TREX1: variants seen among roughly 807,000 people sequenced by gnomAD.
The protein encoded by TREX1 is three-prime repair exonuclease 1.
Under a neutral mutation model 13.7 loss-of-function variants are expected in TREX1, and 11 were observed. The ratio of observed to expected loss-of-function variants is 0.80; its 90% confidence interval spans 0.51 to 1.33. The LOEUF (loss-of-function observed/expected upper bound fraction) is 1.33. TREX1 is among the 40% of genes most tolerant of loss of function. The pLI, the probability that TREX1 is intolerant of heterozygous loss-of-function variation, is 0.00. For synonymous variants in TREX1, 178 were observed against 178.8 expected, an observed-to-expected ratio of 1.00 and a Z score of 0.03; for missense variants, 409 against 404.4, an observed-to-expected ratio of 1.01 and a Z score of -0.10.
upstream of TREX1, chr3:48,465,903 C>T (rs2040273816): frequency 9.9e-6 from 3 of 303,664 alleles, no homozygotes; most frequent in Non-Finnish European, 1.9e-5. Context: ...TGGCCCAGGC[C>T]TAAACCAGGA....
chr3:48,466,205 T>C, upstream of TREX1: 1 of 555,876 alleles, frequency 1.8e-6, no homozygotes, highest in Admixed American at 3.0e-5. Flanking sequence ...CACGTGGGCC[T>C]GTAGGCGGGC....
upstream of TREX1, chr3:48,465,852 A>G (rs2040272000): frequency 2.8e-6 from 1 of 353,996 alleles, no homozygotes; most frequent in South Asian, 2.7e-5. Context: ...GGCTGGGGCC[A>G]TGGGAAGAAA....
intron 1 of TREX1, 60 bp from the exon 2 acceptor site, chr3:48,466,570 T>A (rs2107253505): frequency 1.9e-6 from 3 of 1,592,834 alleles, no homozygotes; most frequent in Non-Finnish European, 2.6e-6. Context: ...CCTACCCCAC[T>A]CCCTCCCCTT....
rs1302856977 is a variant in TREX1, at chr3:48,467,421, AC to A, written c.767del (p.Thr256LysfsTer21). On this transcript the variant is annotated frameshift_variant, in exon 2 of 2. Transcript: ENST00000625293. LOFTEE classifies it high-confidence loss of function. ...TGTCACAACCACTGCACACCTGGCCACAACCAGGAACACTAGTCCCAGCCTT... is the reference window on the plus strand; with the variant it reads ...TGTCACAACCACTGCACACCTGGCCAAACCAGGAACACTAGTCCCAGCCTT... ...SAVTTTAHLA[T>X]TRNTSPSLGE... The A allele has an allele frequency of 3.7e-6, 6 of 1,614,094 alleles. No homozygotes were observed. Among genetic ancestry groups the A allele is most frequent in the Non-Finnish European group, 5.1e-6 (6 of 1,180,038 alleles).
Position 48,466,647 on chromosome 3 carries a change from T to G in TREX1, c.-9T>G. ...CTCTCCAGGCTCAGCAGCAGGTACG[T>G]ACCCAACCATGGGCTCGCAGGCCCT... On this transcript the variant is annotated 5_prime_UTR_variant, in exon 2 of 2. Coordinates refer to ENST00000625293, the MANE Select transcript of TREX1 (RefSeq NM_033629.6). The G allele has an allele frequency of 6.2e-7, 1 of 1,613,794 alleles. No individual in the cohort carries two copies. Among genetic ancestry groups the G allele is most frequent in the Non-Finnish European group, 8.5e-7 (1 of 1,179,916 alleles).
chr3:48,466,882 C>T lies in TREX1; in HGVS notation c.227C>T (p.Ala76Val). 1.2e-6 allele frequency: 2 copies of T among 1,612,648 alleles called. No homozygotes were observed. The highest frequency in any genetic ancestry group is 1.7e-6 in the Non-Finnish European group (2 of 1,180,012). ...TCCCTGTGTGTGGCTCCGGGGAAGG[C>T]CTGCAGCCCTGCAGCCAGCGAGATC... The part of the protein sequence containing the change: ...KLSLCVAPGK[A>V]CSPAASEITG... The change falls in exon 2 of 2, where the codon GCC (alanine) becomes GTC (valine). Residue 76 changes from alanine to valine, a missense_variant. Transcript: ENST00000625293.
Position 48,467,617 on chromosome 3 carries a change from T to C in TREX1, c.*17T>C. 2.5e-6 allele frequency: 4 copies of C among 1,606,864 alleles called. No homozygotes were observed. Among genetic ancestry groups the C allele is most frequent in the Non-Finnish European group, 3.4e-6 (4 of 1,176,156 alleles). On this transcript the variant is annotated 3_prime_UTR_variant, in exon 2 of 2. Transcript: ENST00000625293. ...GGGGAGTAGGCCAAGAAGGAAAATCTGACGAATAAAGACCCCCGCTGCCCC... is the reference window on the plus strand; with the variant it reads ...GGGGAGTAGGCCAAGAAGGAAAATCCGACGAATAAAGACCCCCGCTGCCCC...
chr3:48,466,257 C>T lies in TREX1; in HGVS notation c.-79C>T, dbSNP rs2040288309. 6 of 615,412 alleles carry T rather than the reference C, an allele frequency of 9.7e-6. No homozygotes were observed. The highest frequency in any genetic ancestry group is 1.7e-5 in the Non-Finnish European group (6 of 346,058). The allele number at this position is 615,412 out of a possible 1,614,324, so 38.1% of individuals were successfully genotyped here. On this transcript the variant is annotated 5_prime_UTR_variant, in exon 1 of 2. Coordinates refer to ENST00000625293, the MANE Select transcript of TREX1 (RefSeq NM_033629.6). ...TTCCCGCCACTGCTGCCAGCGAGAG[C>T]CGCGGGAGAGTGTGCAGCCGAGTCA...
rs1475152913 is a variant in TREX1 at position 48,466,863 on chromosome 3, T to C, written c.208T>C (p.Cys70Arg). ...PPRVVDKLSLCVAPGKACSPA... is the reference protein window; with the variant it reads ...PPRVVDKLSLRVAPGKACSPA... ...GCGTGTGGTAGACAAGCTCTCCCTG[T>C]GTGTGGCTCCGGGGAAGGCCTGCAG... The change falls in exon 2 of 2, where the codon TGT (cysteine) becomes CGT (arginine). Residue 70 changes from cysteine (C) to arginine (R), a missense_variant. Cys to Arg is a radical substitution (Grantham distance 180, BLOSUM62 -3). Transcript: ENST00000625293. 1.4e-5 allele frequency: 22 copies of C among 1,613,592 alleles called. No individual in the cohort carries two copies. The highest frequency in any genetic ancestry group is 1.8e-5 in the Non-Finnish European group (21 of 1,180,032).
upstream of TREX1, chr3:48,466,029 T>TGTCA (rs1196208678): frequency 1.3e-5 from 4 of 317,460 alleles, no homozygotes; most frequent in Non-Finnish European, 2.5e-5. Context: ...TCCAGCTGCC[T>TGTCA]GTCACTGGTA....
Position 48,466,853 on chromosome 3 carries a change from G to A in TREX1, c.198G>A (p.Lys66=), listed in dbSNP as rs3135943. ...TVPPPPRVVD[K]LSLCVAPGKA... ...CTCCACCACCGCGTGTGGTAGACAA[G>A]CTCTCCCTGTGTGTGGCTCCGGGGA... The change falls in exon 2 of 2, where the codon AAG becomes AAA. Residue 66 remains lysine, a synonymous_variant. Coordinates refer to ENST00000625293, the MANE Select transcript of TREX1 (RefSeq NM_033629.6). The A allele has an allele frequency of 8.2e-4, 1,328 of 1,613,888 alleles. 9 individuals are homozygous for A. In the African/African-American group the frequency reaches 0.016, roughly 19 times the overall value.
chr3:48,466,618 G>C lies in TREX1; in HGVS notation c.-26-12G>C. ...CTGGGCACTCACACACCCACCCCAT[G>C]CTCCTCTCCAGGCTCAGCAGCAGGT... On this transcript the variant is annotated splice_polypyrimidine_tract_variant and intron_variant, in intron 1 of 1. Transcript: ENST00000625293. The C allele has an allele frequency of 6.2e-7, 1 of 1,613,556 alleles. No homozygotes were observed. Among genetic ancestry groups the C allele is most frequent in the South Asian group, 1.1e-5 (1 of 91,064 alleles).
Position 48,467,333 on chromosome 3 carries a change from C to G in TREX1, c.678C>G (p.Phe226Leu), listed in dbSNP as rs139228069. Residue 226 changes from phenylalanine to leucine, a missense_variant, in exon 2 of 2, where the codon TTC becomes TTG. Coordinates refer to ENST00000625293, the MANE Select transcript of TREX1 (RefSeq NM_033629.6). ...LRWVDAHARPFGTIRPMYGVT... is the reference protein window; with the variant it reads ...LRWVDAHARPLGTIRPMYGVT... Reference sequence around the variant, plus strand: ...GGGTGGATGCTCACGCCAGGCCTTTCGGCACCATCAGGCCCATGTATGGGG... The same window carrying G: ...GGGTGGATGCTCACGCCAGGCCTTTGGGCACCATCAGGCCCATGTATGGGG... 14 of 1,614,162 alleles carry G rather than the reference C, an allele frequency of 8.7e-6. No individual in the cohort carries two copies. In the African/African-American group the frequency reaches 1.7e-4, roughly 20 times the overall value.
chr3:48,465,896 C>A, upstream of TREX1: 1 of 312,328 alleles, frequency 3.2e-6, no homozygotes, highest in South Asian at 3.0e-5. Context: ...TGGCTCTTGG[C>A]CCAGGCCTAA....
chr3:48,467,623 A>G lies in TREX1; in HGVS notation c.*23A>G. On this transcript the variant is annotated 3_prime_UTR_variant, in exon 2 of 2. Transcript: ENST00000625293. Reference sequence around the variant, plus strand: ...TAGGCCAAGAAGGAAAATCTGACGAATAAAGACCCCCGCTGCCCCATAGCA... The same window carrying G: ...TAGGCCAAGAAGGAAAATCTGACGAGTAAAGACCCCCGCTGCCCCATAGCA... 1 of 1,604,916 alleles carries G rather than the reference A, an allele frequency of 6.2e-7. No individual in the cohort carries two copies. The highest frequency in any genetic ancestry group is 8.5e-7 in the Non-Finnish European group (1 of 1,175,222).
rs1297546144 is a variant in TREX1, at chr3:48,467,310, G to A, written c.655G>A (p.Val219Met). The A allele has an allele frequency of 1.2e-6, 2 of 1,614,040 alleles. No individual in the cohort carries two copies. The highest frequency in any genetic ancestry group is 1.1e-5 in the South Asian group (1 of 91,094). ...QWRPQALLRW[V>M]DAHARPFGTI... ...GAGACCACAGGCCCTGCTGCGGTGG[G>A]TGGATGCTCACGCCAGGCCTTTCGG... The change falls in exon 2 of 2, where the codon GTG becomes ATG. Residue 219 changes from valine to methionine, a missense_variant. By Grantham distance (21) the Val-to-Met change is conservative. Coordinates refer to ENST00000625293, the MANE Select transcript of TREX1 (RefSeq NM_033629.6).
At chr3:48,466,471 C>T in intron 1 of TREX1, 159 bp from the exon 2 acceptor site, 4 of 1,613,912 alleles carry the variant, frequency 2.5e-6, no homozygotes, top group Non-Finnish European at 3.4e-6. Flanking sequence ...ACCTCACCCT[C>T]TCCAACTTCC....
Position 48,466,268 on chromosome 3 carries a change from T to A in TREX1, c.-68T>A, listed in dbSNP as rs3135941. On this transcript the variant is annotated 5_prime_UTR_variant, in exon 1 of 2. Transcript: ENST00000625293. ...GCTGCCAGCGAGAGCCGCGGGAGAGTGTGCAGCCGAGTCACTACTGCCTGC... is the reference window on the plus strand; with the variant it reads ...GCTGCCAGCGAGAGCCGCGGGAGAGAGTGCAGCCGAGTCACTACTGCCTGC... The A allele has an allele frequency of 6.5e-6, 4 of 618,960 alleles. No homozygotes were observed. Among genetic ancestry groups the A allele is most frequent in the Non-Finnish European group, 8.6e-6 (3 of 347,354 alleles). 38.3% of individuals were successfully genotyped at this position (618,960 alleles called of 1,614,324 possible). A position where few individuals can be genotyped will look rare whatever the true frequency, so the allele number is the denominator to read the frequency against.
chr3:48,466,309 G>C lies in TREX1; in HGVS notation c.-27G>C, dbSNP rs1026759103. On this transcript the variant is annotated splice_region_variant and 5_prime_UTR_variant, in exon 1 of 2. Transcript: ENST00000625293. ...TACTGCCTGCCTGCCTGCCTGCTAC[G>C]GTGAGTGTGGCCCCCACAATGGGAT... 7.9e-6 allele frequency: 6 copies of C among 755,638 alleles called. No individual in the cohort carries two copies. Among genetic ancestry groups the C allele is most frequent in the Non-Finnish European group, 1.4e-5 (6 of 440,840 alleles). 46.8% of individuals were successfully genotyped at this position (755,638 alleles called of 1,614,324 possible). A position where few individuals can be genotyped will look rare whatever the true frequency, so the allele number is the denominator to read the frequency against.
Sources: gnomAD v4.1 joint callset for allele counts on GRCh38, gnomAD v4.1.1 for gene constraint, MANE v1.5 for transcripts, NCBI Gene and HGNC (gene_info 2026-07-23, HGNC 2026-07-21) for gene names.